Variants in TMEM132E observed in about 807,000 individuals in gnomAD.
TMEM132E encodes transmembrane protein 132E.
In TMEM132E, 49 loss-of-function variants were observed where a neutral mutation model predicts 78.5. The ratio of observed to expected loss-of-function variants is 0.62; its 90% CI spans 0.50 to 0.79. TMEM132E has a LOEUF of 0.79. Ranked by LOEUF, TMEM132E falls within the 30% of genes least tolerant of loss-of-function variation. TMEM132E has a pLI of 0.00. For missense variants in TMEM132E, 1,403 were observed against 1,470.9 expected (o/e 0.95, Z 0.75); for synonymous variants, 715 against 670.6 (o/e 1.07, Z -1.02).
chr17:34,605,912 G>A (rs546675459), intron 1 of TMEM132E, among the ~76,000 whole-genome samples: 4 of 152,208 alleles, frequency 2.6e-5, no homozygotes, highest in East Asian at 1.9e-4. Flanking sequence ...CTCTACATGC[G>A]TCCCATTCAT....
chr17:34,608,384 G>A (rs1385544020), intron 1 of TMEM132E, among the ~76,000 whole-genome samples: 1 of 152,226 alleles, frequency 6.6e-6, no homozygotes, highest in East Asian at 1.9e-4. Flanking sequence ...TCTTGCACAT[G>A]GCTAAGCTGC....
At chr17:34,631,251 G>A (rs1299400937) in intron 5 of TMEM132E, among the ~76,000 whole-genome samples, 1 of 152,126 alleles carries the variant, frequency 6.6e-6, no homozygotes, top group African/African-American at 2.4e-5. Flanking sequence ...CCATGATCCA[G>A]GAAGGATGCC....
intron 1 of TMEM132E, among the ~76,000 whole-genome samples, chr17:34,583,791 C>T (rs887931541): frequency 9.8e-5 from 15 of 152,320 alleles, no homozygotes; most frequent in African/African-American, 3.4e-4. Context: ...GGTCTCTGGC[C>T]TTTCTTTCCC....
At chr17:34,605,612 C>T (rs1313664029) in intron 1 of TMEM132E, among the ~76,000 whole-genome samples, 1 of 152,188 alleles carries the variant, frequency 6.6e-6, no homozygotes, top group African/African-American at 2.4e-5. Context: ...ACCATCAGCA[C>T]CAGGATTCCA....
chr17:34,581,110 G>T lies in TMEM132E; in HGVS notation c.34G>T (p.Ala12Ser), dbSNP rs866642381. 9.8e-6 allele frequency: 15 copies of T among 1,533,834 alleles called. No individual in the cohort carries two copies. The Admixed American group carries it at 1.4e-4, about 14-fold the overall frequency. The change falls in exon 1 of 9, where the codon GCC becomes TCC. Residue 12 changes from alanine (A) to serine (S), a missense_variant. Physicochemically the swap from Ala to Ser is moderately conservative, Grantham distance 99 (BLOSUM62 1). This residue lies in a region of TMEM132E where 511 missense variants were observed against 499.0 expected (regional missense o/e 1.02). Coordinates refer to ENST00000631683, the MANE Select transcript of TMEM132E (RefSeq NM_001304438.2). ...GGGGATGTCGGGCCGCGGCGGCGCC[G>T]CCCTGCTCTGCCTCTCAGCGCTACT... ...APGMSGRGGA[A>S]LLCLSALLAH...
chr17:34,618,494 A>G (rs57487960), intron 1 of TMEM132E, among the ~76,000 whole-genome samples: 12,825 of 151,950 alleles, frequency 0.084, 647 homozygotes, highest in African/African-American at 0.14. Flanking sequence ...AGCCTCCCAA[A>G]GTGCTGGAAT....
At chr17:34,610,782 G>A (rs1418114021) in intron 1 of TMEM132E, among the ~76,000 whole-genome samples, 1 of 152,188 alleles carries the variant, frequency 6.6e-6, no homozygotes, top group Non-Finnish European at 1.5e-5. Flanking sequence ...CAAGTGGGTC[G>A]GGGCTGCTAC....
At chr17:34,625,660 C>G (rs1281702319) in intron 1 of TMEM132E, among the ~76,000 whole-genome samples, 1 of 151,936 alleles carries the variant, frequency 6.6e-6, no homozygotes, top group Non-Finnish European at 1.5e-5. Flanking sequence ...CTGTCCCACA[C>G]GGAGCGCAGT....
chr17:34,637,679 T>G lies in TMEM132E; in HGVS notation c.2672T>G (p.Met891Arg), dbSNP rs1907577002. Residue 891 changes from methionine to arginine, a missense_variant, in exon 9 of 9, where the codon ATG (methionine) becomes AGG (arginine). Met to Arg is a moderately conservative substitution (Grantham distance 91). Around this residue, in one of 3 missense-constraint regions of TMEM132E, gnomAD observed 888 missense variants for 952.8 expected, o/e 0.93. Coordinates refer to ENST00000631683, the MANE Select transcript of TMEM132E (RefSeq NM_001304438.2). Reference sequence around the variant, plus strand: ...GGTCTGACAGACCTGGAGATCGGCATGTACGCGCTGCTGGGCGTCTTCTGC... The same window carrying G: ...GGTCTGACAGACCTGGAGATCGGCAGGTACGCGCTGCTGGGCGTCTTCTGC... ...PRGLTDLEIGMYALLGVFCLA... is the reference protein window; with the variant it reads ...PRGLTDLEIGRYALLGVFCLA... The G allele has an allele frequency of 6.2e-7, 1 of 1,610,918 alleles. No homozygotes were observed. Among genetic ancestry groups the G allele is most frequent in the Non-Finnish European group, 8.5e-7 (1 of 1,179,950 alleles).
In TMEM132E at chr17:34,626,324, G is replaced by T. The variant is rs1054611173; in HGVS notation, c.265G>T (p.Val89Phe). 1 of 1,612,634 alleles carries T rather than the reference G, an allele frequency of 6.2e-7. No individual in the cohort carries two copies. Among genetic ancestry groups the T allele is most frequent in the Non-Finnish European group, 8.5e-7 (1 of 1,179,488 alleles). The change falls in exon 2 of 9, where the codon GTC becomes TTC. Residue 89 changes from valine (V) to phenylalanine (F), a missense_variant. Val to Phe is a conservative substitution (Grantham distance 50). Around this residue, in one of 3 missense-constraint regions of TMEM132E, gnomAD observed 511 missense variants for 499.0 expected, o/e 1.02. Coordinates refer to ENST00000631683, the MANE Select transcript of TMEM132E (RefSeq NM_001304438.2). ...GGTGTTCCAGACCAAGGAGCTGCCG[G>T]TCCTCAACGTCTCTCTGGGGCCCTT... is the stretch of plus-strand genomic sequence containing the variant. ...FVVFQTKELP[V>F]LNVSLGPFST...
At chr17:34,607,984 A>G (rs1010266083) in intron 1 of TMEM132E, among the ~76,000 whole-genome samples, 5 of 152,140 alleles carry the variant, frequency 3.3e-5, no homozygotes, top group Non-Finnish European at 5.9e-5. Context: ...TGTAGGTGTG[A>G]TTGATTCGAT....
At chr17:34,593,552 G>A (rs1242106016) in intron 1 of TMEM132E, among the ~76,000 whole-genome samples, 1 of 152,210 alleles carries the variant, frequency 6.6e-6, no homozygotes, top group African/African-American at 2.4e-5. Context: ...CTGATAAGCT[G>A]AGCCCACTCA....
chr17:34,632,088 C>G (rs1392692612), intron 5 of TMEM132E, among the ~76,000 whole-genome samples: 1 of 152,216 alleles, frequency 6.6e-6, no homozygotes, highest in Admixed American at 6.5e-5. Context: ...ATTCACCCGT[C>G]TGTGCTTGGG....
intron 1 of TMEM132E, among the ~76,000 whole-genome samples, chr17:34,603,532 T>C (rs1353094349): frequency 6.6e-6 from 1 of 152,168 alleles, no homozygotes; most frequent in Non-Finnish European, 1.5e-5. Flanking sequence ...GAAGAGGGGC[T>C]GTGTGCCATG....
rs1160440158 is a variant in TMEM132E at position 34,638,456 on chromosome 17, T to A, written c.*224T>A. The A allele has an allele frequency of 2.1e-6, 1 of 486,712 alleles. No homozygotes were observed. Among genetic ancestry groups the A allele is most frequent in the South Asian group, 4.4e-5 (1 of 22,606 alleles). The allele number at this position is 486,712 out of a possible 1,614,324, so 30.1% of individuals were successfully genotyped here. A position where few individuals can be genotyped will look rare whatever the true frequency, so the allele number is the denominator to read the frequency against. On this transcript the variant is annotated 3_prime_UTR_variant, in exon 9 of 9. Coordinates refer to ENST00000631683, the MANE Select transcript of TMEM132E (RefSeq NM_001304438.2). ...CCCCCTGCAGGTGGAGGGCTCTTCC[T>A]CCAGTGGCTCGTAAGGAGGAAAGCA...
chr17:34,615,823 G>T (rs1906763981), intron 1 of TMEM132E, among the ~76,000 whole-genome samples: 1 of 151,824 alleles, frequency 6.6e-6, no homozygotes, highest in African/African-American at 2.4e-5. Context: ...GCCGTGTGGG[G>T]GATCCATTTA....
rs370822986 is a variant in TMEM132E at position 34,638,265 on chromosome 17, C to G, written c.*33C>G. ...AGCCGGAGTAGCAGGGACCCCCCCC[C>G]CCAACGGGGTCAGCTCGGGGTAGGA... is the stretch of plus-strand genomic sequence containing the variant. On this transcript the variant is annotated 3_prime_UTR_variant, in exon 9 of 9. Transcript: ENST00000631683. 4.3e-4 allele frequency: 633 copies of G among 1,470,662 alleles called. No homozygotes were observed. Among genetic ancestry groups the G allele is most frequent in the Middle Eastern group, 2.4e-3 (12 of 5,014 alleles). 91.1% of individuals were successfully genotyped at this position (1,470,662 alleles called of 1,614,324 possible).
At chr17:34,633,321 G>A (rs1263550184) in intron 6 of TMEM132E, among the ~76,000 whole-genome samples, 1 of 152,238 alleles carries the variant, frequency 6.6e-6, no homozygotes. Context: ...AGTTGGCTGG[G>A]GAGACAGGTT....
intron 2 of TMEM132E, 62 bp downstream of exon 2, chr17:34,627,119 C>T: frequency 1.5e-5 from 11 of 719,670 alleles, no homozygotes; most frequent in Non-Finnish European, 2.6e-5. Flanking sequence ...TACCTGACTC[C>T]TTGTGGGTGG....
Sources: allele counts gnomAD v4.1 joint callset (sites outside exome capture counted in the v4.1 genomes callset), GRCh38; gene constraint gnomAD v4.1.1; regional missense constraint gnomAD v4.1.1; transcripts MANE v1.5; gene names NCBI Gene and HGNC (gene_info 2026-07-23, HGNC 2026-07-21).